Variants in EIF4G3 observed in about 807,000 individuals in gnomAD.
EIF4G3 encodes eukaryotic translation initiation factor 4 gamma 3.
In EIF4G3, 34 loss-of-function variants were observed where a neutral mutation model predicts 186.4. That is an observed-to-expected ratio of 0.18 (90% CI 0.14 to 0.24). The LOEUF (loss-of-function observed/expected upper bound fraction) is 0.24. Among genes scored for constraint, EIF4G3 ranks in the 10% least tolerant of loss-of-function variants. EIF4G3 has a pLI of 1.00. For synonymous variants in EIF4G3, 673 were observed against 679.5 expected (o/e 0.99, Z 0.15); for missense variants, 1,536 against 1,948.5 (o/e 0.79, Z 3.99).
chr1:21,146,688 T>C (rs374655867), intron 2 of EIF4G3, among the ~76,000 whole-genome samples: 1 of 151,300 alleles, frequency 6.6e-6, no homozygotes, highest in African/African-American at 2.4e-5. Flanking sequence ...ACCCAGGAGG[T>C]GGAGGTTGCA....
chr1:21,003,795 C>T, intron 4 of EIF4G3: 2 of 427,936 alleles, frequency 4.7e-6, no homozygotes, highest in East Asian at 7.2e-5. Flanking sequence ...TTCAAATTTG[C>T]CAATGTAAAT....
intron 14 of EIF4G3, among the ~76,000 whole-genome samples, chr1:20,926,849 C>T (rs571261546): frequency 6.6e-6 from 1 of 151,380 alleles, no homozygotes; most frequent in Admixed American, 6.6e-5. Flanking sequence ...TAAAAGCTCT[C>T]GGGGATAACA....
At chr1:20,917,142 G>A (rs2093967098) in intron 14 of EIF4G3, among the ~76,000 whole-genome samples, 2 of 151,998 alleles carry the variant, frequency 1.3e-5, no homozygotes, top group South Asian at 2.1e-4. Context: ...ATCCATACTC[G>A]GCAATTTTTA....
At chr1:21,021,040 G>T (rs1316684769) in intron 4 of EIF4G3, among the ~76,000 whole-genome samples, 1 of 152,126 alleles carries the variant, frequency 6.6e-6, no homozygotes, top group African/African-American at 2.4e-5. Flanking sequence ...CTGGAGTGCA[G>T]TGGTGAGACC....
At chr1:20,902,355 C>A (rs2090629795) in intron 15 of EIF4G3, among the ~76,000 whole-genome samples, 2 of 152,170 alleles carry the variant, frequency 1.3e-5, no homozygotes, top group Admixed American at 1.3e-4. Flanking sequence ...AGCCACCATG[C>A]CCAGCCTCTA....
intron 4 of EIF4G3, among the ~76,000 whole-genome samples, chr1:21,016,874 C>T (rs971936864): frequency 6.6e-6 from 1 of 151,454 alleles, no homozygotes; most frequent in Non-Finnish European, 1.5e-5. Context: ...GGGCCTGAGA[C>T]AGGAGAATCA....
At chr1:21,155,469 T>C (rs1480580566) in intron 2 of EIF4G3, among the ~76,000 whole-genome samples, 1 of 152,086 alleles carries the variant, frequency 6.6e-6, no homozygotes, top group Non-Finnish European at 1.5e-5. Flanking sequence ...AAATTAATGA[T>C]TTCACAGTAA....
chr1:20,839,964 T>C (rs978657626), intron 30 of EIF4G3, among the ~76,000 whole-genome samples: 2 of 151,756 alleles, frequency 1.3e-5, no homozygotes, highest in African/African-American at 4.8e-5. Context: ...TTACTGCCAT[T>C]TGATTCAATA....
intron 2 of EIF4G3, among the ~76,000 whole-genome samples, chr1:21,132,663 C>T (rs1411481592): frequency 2.0e-5 from 3 of 152,100 alleles, no homozygotes; most frequent in African/African-American, 7.2e-5. Flanking sequence ...TGGTGTCAAA[C>T]TCCTGGGCTC....
intron 4 of EIF4G3, among the ~76,000 whole-genome samples, chr1:21,015,557 A>C (rs989884931): frequency 4.6e-5 from 7 of 152,176 alleles, no homozygotes; most frequent in African/African-American, 1.7e-4. Flanking sequence ...ACAGGAGTTC[A>C]AGAACAGCCT....
chr1:21,078,169 C>T (rs1242689662), intron 3 of EIF4G3, among the ~76,000 whole-genome samples: 4 of 152,072 alleles, frequency 2.6e-5, no homozygotes, highest in Admixed American at 6.6e-5. Flanking sequence ...AGCTGCCACC[C>T]GTGTTTACTG....
At chr1:21,073,169 G>A (rs1277490140) in intron 3 of EIF4G3, among the ~76,000 whole-genome samples, 1 of 152,078 alleles carries the variant, frequency 6.6e-6, no homozygotes, top group Non-Finnish European at 1.5e-5. Flanking sequence ...GTATTTTCAT[G>A]ATTTAAATAT....
chr1:21,164,108 G>C (rs2097813452), intron 2 of EIF4G3, among the ~76,000 whole-genome samples: 2 of 152,080 alleles, frequency 1.3e-5, no homozygotes, highest in Non-Finnish European at 2.9e-5. Context: ...ATATACATTA[G>C]AATAGCCTGG....
At chr1:21,080,821 A>C (rs1163712542) in intron 3 of EIF4G3, among the ~76,000 whole-genome samples, 1 of 152,104 alleles carries the variant, frequency 6.6e-6, no homozygotes, top group East Asian at 1.9e-4. Context: ...AATTTTTCAT[A>C]AGCAGTTACT....
Position 20,887,926 on chromosome 1 carries a change from A to C in EIF4G3, c.2254-1555T>G, listed in dbSNP as rs566203518. ...GACTTATATGGATTAATAACTTACT[A>C]AATGGTTGGCTAAACCTCAGGTAAA... On this transcript the variant is annotated intron_variant, in intron 18 of 36. Transcript: ENST00000602326. 6.8e-4 allele frequency among the ~76,000 whole-genome samples: 104 copies of C among 152,338 alleles called. 1 individual carries two copies. The South Asian group carries it at 9.3e-3, about 14-fold the overall frequency.
chr1:20,929,171 AT>A (rs1236282744), intron 14 of EIF4G3, among the ~76,000 whole-genome samples: 1 of 152,008 alleles, frequency 6.6e-6, no homozygotes, highest in East Asian at 1.9e-4. Context: ...TGCCCTATTC[AT>A]TTTCCCCCCC....
intron 4 of EIF4G3, among the ~76,000 whole-genome samples, chr1:21,035,647 C>T (rs2093132337): frequency 6.6e-6 from 1 of 152,258 alleles, no homozygotes; most frequent in Non-Finnish European, 1.5e-5. Context: ...CCAAAGACCA[C>T]AGGAGAGTGG....
intron 8 of EIF4G3, among the ~76,000 whole-genome samples, chr1:20,981,616 G>A (rs10916914): frequency 1.4e-4 from 8 of 57,892 alleles, no homozygotes; most frequent in Admixed American, 2.0e-4. Flanking sequence ...CATACTGTAT[G>A]TATACATACA....
chr1:20,817,443 T>C lies in EIF4G3; in HGVS notation c.4464A>G (p.Lys1488=), dbSNP rs747774395. 4 of 1,609,578 alleles carry C rather than the reference T, an allele frequency of 2.5e-6. No homozygotes were observed. In the South Asian group the frequency reaches 3.3e-5, roughly 13 times the overall value. The change falls in exon 34 of 37, where the codon AAA becomes AAG. Residue 1488 remains lysine (K), a synonymous_variant. Transcript: ENST00000602326. ...SAEELYKRLE[K]LIIEDKANDE... ...CATTCGCTTTGTCCTCAATAATGAG[T>C]TTCTCGAGTCGCTTATACAGCTCTT...
Sources: allele counts gnomAD v4.1 joint callset (sites outside exome capture counted in the v4.1 genomes callset), GRCh38; gene constraint gnomAD v4.1.1; transcripts MANE v1.5; gene names NCBI Gene and HGNC (gene_info 2026-07-23, HGNC 2026-07-21).